Variants in PHF21B observed in about 807,000 individuals in gnomAD.
The protein encoded by PHF21B is PHD finger protein 21B.
Under a neutral mutation model 62.2 loss-of-function variants are expected in PHF21B, and 22 were observed. The ratio of observed to expected loss-of-function variants is 0.35; its 90% CI spans 0.25 to 0.51. PHF21B has a LOEUF of 0.51. Among genes scored for constraint, PHF21B ranks in the 20% least tolerant of loss-of-function variants. PHF21B has a pLI of 0.97. For synonymous variants in PHF21B, 341 were observed against 314.7 expected, an observed-to-expected ratio of 1.08 and a Z score of -0.88; for missense variants, 701 against 707.9, an observed-to-expected ratio of 0.99 and a Z score of 0.11.
intron 5 of PHF21B, chr22:44,901,783 C>A (rs909580534): frequency 9.8e-6 from 3 of 305,238 alleles, no homozygotes; most frequent in Non-Finnish European, 1.9e-5. Context: ...AGGCCGTGTA[C>A]AAGAGGAAGT....
Position 44,883,028 on chromosome 22 carries a change from G to A in PHF21B, c.*58C>T. 1 of 1,513,262 alleles carries A rather than the reference G, an allele frequency of 6.6e-7. No individual in the cohort carries two copies. Among genetic ancestry groups the A allele is most frequent in the Non-Finnish European group, 8.9e-7 (1 of 1,123,154 alleles). 93.7% of individuals were successfully genotyped at this position (1,513,262 alleles called of 1,614,324 possible). A position where few individuals can be genotyped will look rare whatever the true frequency, so the allele number is the denominator to read the frequency against. On this transcript the variant is annotated 3_prime_UTR_variant, in exon 13 of 13. Coordinates refer to ENST00000313237, the MANE Select transcript of PHF21B (RefSeq NM_138415.5). ...TGAATTAAGGCCGACAGAACCCCCA[G>A]GCTGTGTAAGCAGGGTCCCAATAAC...
At chr22:44,912,797 T>C (rs1336203997) in intron 5 of PHF21B, among the ~76,000 whole-genome samples, 1 of 138,006 alleles carries the variant, frequency 7.2e-6, no homozygotes, top group African/African-American at 2.7e-5. Context: ...GAGGATCACT[T>C]GAGCCCAGGA....
chr22:44,931,335 T>C (rs1322077473), intron 2 of PHF21B, among the ~76,000 whole-genome samples: 2 of 152,072 alleles, frequency 1.3e-5, no homozygotes, highest in Admixed American at 6.5e-5. Flanking sequence ...GTGGCCCGGC[T>C]GCCAGGCGCA....
chr22:45,009,711 C>T lies in PHF21B; in HGVS notation c.-162G>A, dbSNP rs1290729259. ...CACGGCCGAAAGGGAAGGGGGCTGG[C>T]GAAGGGGAAGACAGGCTTCCGGGCG... On this transcript the variant is annotated 5_prime_UTR_variant, in exon 1 of 13. Coordinates refer to ENST00000313237, the MANE Select transcript of PHF21B (RefSeq NM_138415.5). This position sits in a 1 kb window ranked among gnomAD's most constrained non-coding sequence, Gnocchi z 5.9. 1.6e-6 allele frequency: 1 copy of T among 606,428 alleles called. No individual in the cohort carries two copies. Among genetic ancestry groups the T allele is most frequent in the African/African-American group, 2.0e-5 (1 of 50,328 alleles). The allele number at this position is 606,428 out of a possible 1,614,324, so 37.6% of individuals were successfully genotyped here.
chr22:45,006,772 G>A (rs773636930), intron 2 of PHF21B, among the ~76,000 whole-genome samples: 1 of 151,604 alleles, frequency 6.6e-6, no homozygotes, highest in Non-Finnish European at 1.5e-5. Context: ...AGGAGCGTAC[G>A]AGTCAACAAC....
intron 2 of PHF21B, among the ~76,000 whole-genome samples, chr22:44,921,902 A>T (rs1274748846): frequency 6.8e-6 from 1 of 147,782 alleles, no homozygotes; most frequent in African/African-American, 2.5e-5. Context: ...CAGGTGATCC[A>T]CCCACCTCGG....
chr22:44,977,752 ATTTT>A (rs112069200), intron 2 of PHF21B, among the ~76,000 whole-genome samples: 6 of 135,150 alleles, frequency 4.4e-5, no homozygotes, highest in African/African-American at 1.4e-4. Context: ...CTCATTTTTC[ATTTT>A]TTTTTTTTTT....
intron 2 of PHF21B, among the ~76,000 whole-genome samples, chr22:44,992,615 T>C (rs926217918): frequency 6.6e-6 from 1 of 152,132 alleles, no homozygotes; most frequent in Non-Finnish European, 1.5e-5. Context: ...AGAGCCAGGG[T>C]CCCCACCAAC....
chr22:44,934,312 A>G (rs2071802461), intron 2 of PHF21B, among the ~76,000 whole-genome samples: 1 of 152,250 alleles, frequency 6.6e-6, no homozygotes, highest in Non-Finnish European at 1.5e-5. Context: ...CCAGCCACCC[A>G]TCACCGCACG....
At chr22:44,935,457 A>T (rs1171261568) in intron 2 of PHF21B, among the ~76,000 whole-genome samples, 1 of 152,114 alleles carries the variant, frequency 6.6e-6, no homozygotes, top group Non-Finnish European at 1.5e-5. Flanking sequence ...TACTAAAAAC[A>T]CAAAAAATTA....
At chr22:44,912,829 T>C (rs2071365534) in intron 5 of PHF21B, among the ~76,000 whole-genome samples, 1 of 123,154 alleles carries the variant, frequency 8.1e-6, no homozygotes, top group African/African-American at 3.1e-5. Flanking sequence ...CAGTGAGCTA[T>C]GATGGTGCCA....
intron 4 of PHF21B, among the ~76,000 whole-genome samples, chr22:44,915,336 A>G (rs1203219365): frequency 6.6e-6 from 1 of 152,254 alleles, no homozygotes; most frequent in Non-Finnish European, 1.5e-5. Flanking sequence ...AACTTTCAAC[A>G]ATGAGGCATC....
chr22:45,009,967 C>G lies in PHF21B; in HGVS notation c.-418G>C, dbSNP rs2073394781. ...CGCGCGCCTGGATCTCGTTGGGCCT[C>G]GGCAAAGTTGTGCCTCGGCACGATG... On this transcript the variant is annotated 5_prime_UTR_variant, in exon 1 of 13. Coordinates refer to ENST00000313237, the MANE Select transcript of PHF21B (RefSeq NM_138415.5). The surrounding 1 kb of genome is among the most constrained non-coding windows in gnomAD (Gnocchi z 5.9). The G allele has an allele frequency of 6.8e-6, 1 of 146,386 alleles. No individual in the cohort carries two copies. Among genetic ancestry groups the G allele is most frequent in the Non-Finnish European group, 1.5e-5 (1 of 65,584 alleles). The allele number at this position is 146,386 out of a possible 1,614,324, so 9.1% of individuals were successfully genotyped here. A position where few individuals can be genotyped will look rare whatever the true frequency, so the allele number is the denominator to read the frequency against.
Position 45,000,025 on chromosome 22 carries a change from A to AG in PHF21B, c.120+8519_120+8520insC. 5.3e-5 allele frequency among the ~76,000 whole-genome samples: 8 copies of AG among 152,166 alleles called. No homozygotes were observed. The South Asian group carries it at 1.7e-3, about 32-fold the overall frequency. ...GCACTCTGCTGCCTGGCTGGCCATG[A>AG]ACTATTATTAATCCCCTTTTATAAC... On this transcript the variant is annotated intron_variant, in intron 2 of 12. Transcript: ENST00000313237.
At chr22:44,982,803 AC>A (rs1242826402) in intron 2 of PHF21B, among the ~76,000 whole-genome samples, 1 of 152,178 alleles carries the variant, frequency 6.6e-6, no homozygotes, top group East Asian at 1.9e-4. Context: ...AGTGTGTATT[AC>A]GGGAGCAGCA....
chr22:44,946,760 C>T (rs1213725117), intron 2 of PHF21B, among the ~76,000 whole-genome samples: 1 of 152,110 alleles, frequency 6.6e-6, no homozygotes, highest in East Asian at 1.9e-4. Flanking sequence ...TTCCAGGTTG[C>T]AGGGGCTGCA....
rs140367657 is a variant in PHF21B, at chr22:44,922,888, C to T, written c.121-2398G>A. On this transcript the variant is annotated intron_variant, in intron 2 of 12. Coordinates refer to ENST00000313237, the MANE Select transcript of PHF21B (RefSeq NM_138415.5). ...CCTCAACATTGTTAAGATTTCAATC[C>T]TTCCCAGATTGATCTACAGATTCAA... 2.2e-3 allele frequency among the ~76,000 whole-genome samples: 340 copies of T among 152,228 alleles called. 4 individuals carry two copies. Among genetic ancestry groups the T allele is most frequent in the African/African-American group, 7.9e-3 (329 of 41,538 alleles).
chr22:44,926,176 A>G lies in PHF21B; in HGVS notation c.121-5686T>C, dbSNP rs566600289. On this transcript the variant is annotated intron_variant, in intron 2 of 12. Coordinates refer to ENST00000313237, the MANE Select transcript of PHF21B (RefSeq NM_138415.5). ...GAAGGTCCATGAGGCATGACCCTGC[A>G]ATGGATTCCCAGGGAAGCACATTCA... Among the ~76,000 whole-genome samples the G allele has an allele frequency of 8.5e-3, 905 of 106,658 alleles. 14 individuals carry two copies. The highest frequency in any genetic ancestry group is 0.026 in the African/African-American group (862 of 33,410). 70.0% of individuals were successfully genotyped at this position (106,658 alleles called of 152,430 possible). A position where few individuals can be genotyped will look rare whatever the true frequency, so the allele number is the denominator to read the frequency against.
At chr22:44,913,685 G>A (rs73178249) in intron 5 of PHF21B, 137 bp downstream of exon 5, 91,483 of 1,274,640 alleles carry the variant, frequency 0.072, 3,621 homozygotes, top group Non-Finnish European at 0.079. Flanking sequence ...CATCCTGGTC[G>A]CCGACTGCAC....
Sources: allele counts gnomAD v4.1 joint callset (sites outside exome capture counted in the v4.1 genomes callset), GRCh38; gene constraint gnomAD v4.1.1; non-coding constraint Gnocchi (gnomAD v3.1); transcripts MANE v1.5; gene names NCBI Gene and HGNC (gene_info 2026-07-23, HGNC 2026-07-21).